The following MEMO1 variants were observed in gnomAD, a reference collection of about 807,000 sequenced individuals.
The protein encoded by MEMO1 is protein MEMO1.
In MEMO1, 6 loss-of-function variants were observed where a neutral mutation model predicts 45.2. That is an observed-to-expected ratio of 0.13 (90% confidence interval 0.07 to 0.26). The LOEUF (loss-of-function observed/expected upper bound fraction) is 0.26. Ranked by LOEUF, MEMO1 falls within the 10% of genes least tolerant of loss-of-function variation. The pLI is 1.00. For synonymous variants in MEMO1, 78 were observed against 124.3 expected (o/e 0.63, Z 2.48); for missense variants, 184 against 370.5 (o/e 0.50, Z 4.13).
intron 8 of MEMO1, among the ~76,000 whole-genome samples, chr2:31,873,291 C>G (rs1674059797): frequency 6.6e-6 from 1 of 152,076 alleles, no homozygotes; most frequent in Non-Finnish European, 1.5e-5. Flanking sequence ...ACATTATAAA[C>G]ACCAAAAGCC....
At chr2:31,871,982 C>G (rs1673827930) in intron 8 of MEMO1, among the ~76,000 whole-genome samples, 1 of 148,372 alleles carries the variant, frequency 6.7e-6, no homozygotes, top group Non-Finnish European at 1.5e-5. Flanking sequence ...CCACTGCACT[C>G]CAGCCTGGGC....
intron 2 of MEMO1, among the ~76,000 whole-genome samples, chr2:31,997,375 G>C (rs180978093): frequency 3.9e-5 from 6 of 152,180 alleles, no homozygotes; most frequent in Admixed American, 3.3e-4. Flanking sequence ...ACTATATACA[G>C]AGAAACAAAC....
intron 4 of MEMO1, among the ~76,000 whole-genome samples, chr2:31,927,587 A>G (rs1001651289): frequency 1.3e-5 from 2 of 151,938 alleles, no homozygotes; most frequent in African/African-American, 4.8e-5. Flanking sequence ...TAAGCCAAAC[A>G]TTAAAAGGAG....
chr2:31,940,934 T>A (rs1220370501), intron 3 of MEMO1, among the ~76,000 whole-genome samples: 1 of 152,092 alleles, frequency 6.6e-6, no homozygotes, highest in Non-Finnish European at 1.5e-5. Flanking sequence ...AAGCCCCCAA[T>A]CCAAGCCACT....
At chr2:31,920,687 T>C (rs922403514) in intron 5 of MEMO1, 111 bp downstream of exon 5, 5 of 535,730 alleles carry the variant, frequency 9.3e-6, no homozygotes, top group Admixed American at 4.2e-5. Context: ...ACAATTTTTA[T>C]TTTAAATATT....
At chr2:31,928,315 G>A (rs993610793) in intron 4 of MEMO1, among the ~76,000 whole-genome samples, 2 of 152,214 alleles carry the variant, frequency 1.3e-5, no homozygotes, top group African/African-American at 4.8e-5. Flanking sequence ...GGCCAAGGCA[G>A]GCAGATCAGT....
At chr2:31,943,930 A>G (rs1266503672) in intron 2 of MEMO1, among the ~76,000 whole-genome samples, 1 of 152,014 alleles carries the variant, frequency 6.6e-6, no homozygotes, top group African/African-American at 2.4e-5. Flanking sequence ...CAATATACTA[A>G]TTTTTCCAGT....
chr2:31,872,770 A>C (rs1673974133), intron 8 of MEMO1, among the ~76,000 whole-genome samples: 1 of 152,170 alleles, frequency 6.6e-6, no homozygotes, highest in African/African-American at 2.4e-5. Context: ...AAATTAATTC[A>C]ATTATACTCA....
At chr2:32,000,482 G>A (rs1036470018) in intron 2 of MEMO1, among the ~76,000 whole-genome samples, 2 of 150,462 alleles carry the variant, frequency 1.3e-5, no homozygotes, top group Admixed American at 6.6e-5. Flanking sequence ...CGCCCGCCTC[G>A]GCCTCCCAAA....
intron 2 of MEMO1, among the ~76,000 whole-genome samples, chr2:32,002,168 A>AATATATATAT (rs1553383011): frequency 1.6e-4 from 12 of 74,904 alleles, no homozygotes; most frequent in African/African-American, 6.2e-4. Context: ...AAAAAAAAAA[A>AATATATATAT]ATATATATAT....
At chr2:31,983,369 G>A (rs775958683) in intron 2 of MEMO1, among the ~76,000 whole-genome samples, 1 of 152,168 alleles carries the variant, frequency 6.6e-6, no homozygotes, top group Non-Finnish European at 1.5e-5. Context: ...TCTGTCCCCT[G>A]ACAGGACTTA....
intron 2 of MEMO1, chr2:31,963,391 T>TC (rs1360231084): frequency 8.4e-6 from 9 of 1,069,082 alleles, no homozygotes; most frequent in African/African-American, 1.6e-5. Context: ...TGACTAATAC[T>TC]CCAAGAAGCA....
chr2:31,910,696 C>T (rs1680434183), intron 6 of MEMO1, among the ~76,000 whole-genome samples: 1 of 151,916 alleles, frequency 6.6e-6, no homozygotes, highest in Non-Finnish European at 1.5e-5. Context: ...CCTGTCTCTA[C>T]AAAAAATTTA....
At chr2:31,962,729 GACA>G (rs1668165003) in intron 2 of MEMO1, among the ~76,000 whole-genome samples, 1 of 152,162 alleles carries the variant, frequency 6.6e-6, no homozygotes, top group African/African-American at 2.4e-5. Context: ...TTCATTGACT[GACA>G]ACAATATTTA....
intron 6 of MEMO1, among the ~76,000 whole-genome samples, chr2:31,896,065 G>C (rs977259286): frequency 5.9e-5 from 9 of 151,500 alleles, no homozygotes; most frequent in African/African-American, 2.2e-4. Flanking sequence ...GGATGGTCTC[G>C]ATCTCCTGAC....
intron 8 of MEMO1, among the ~76,000 whole-genome samples, chr2:31,878,945 T>C (rs1175105555): frequency 6.6e-6 from 1 of 152,018 alleles, no homozygotes; most frequent in Non-Finnish European, 1.5e-5. Context: ...GAGAATCATA[T>C]AGCTGATATA....
At chr2:31,955,471 T>C (rs563448564) in intron 2 of MEMO1, among the ~76,000 whole-genome samples, 1 of 152,304 alleles carries the variant, frequency 6.6e-6, no homozygotes, top group African/African-American at 2.4e-5. Flanking sequence ...ATAACACTGA[T>C]AAGGGAAGAA....
intron 2 of MEMO1, among the ~76,000 whole-genome samples, chr2:31,987,066 G>A (rs1335377335): frequency 6.6e-6 from 1 of 152,182 alleles, no homozygotes; most frequent in Non-Finnish European, 1.5e-5. Context: ...AGCACTGACA[G>A]GATCAAAGCT....
intron 3 of MEMO1, among the ~76,000 whole-genome samples, chr2:31,933,701 G>A (rs1664574947): frequency 1.3e-5 from 2 of 151,872 alleles, no homozygotes. Flanking sequence ...TCAATAATAT[G>A]GAACATACAC....
Sources: allele counts gnomAD v4.1 joint callset (sites outside exome capture counted in the v4.1 genomes callset), GRCh38; gene constraint gnomAD v4.1.1; transcripts MANE v1.5; gene names NCBI Gene and HGNC (gene_info 2026-07-23, HGNC 2026-07-21).